The following HSD17B3 variants were observed in gnomAD, a reference collection of about 807,000 sequenced individuals.
The protein encoded by HSD17B3 is 17-beta-hydroxysteroid dehydrogenase type 3.
In HSD17B3, 29 loss-of-function variants were observed where a neutral mutation model predicts 41.1. The ratio of observed to expected loss-of-function variants is 0.71; its 90% CI spans 0.53 to 0.96. The LOEUF (loss-of-function observed/expected upper bound fraction) is 0.96, where lower values mean the gene tolerates loss of function less well. Ranked by LOEUF, HSD17B3 falls within the 40% of genes least tolerant of loss-of-function variation. The probability of loss-of-function intolerance (pLI) is 0.00; values close to 1 mark genes in which losing one functional copy is unlikely to be tolerated. For missense variants in HSD17B3, 323 were observed against 374.6 expected, an observed-to-expected ratio of 0.86 and a Z score of 1.14; for synonymous variants, 126 against 145.6, an observed-to-expected ratio of 0.87 and a Z score of 0.97.
intron 2 of HSD17B3, among the ~76,000 whole-genome samples, chr9:96,261,520 G>T (rs1435613046): frequency 6.6e-6 from 1 of 152,206 alleles, no homozygotes; most frequent in Non-Finnish European, 1.5e-5. Context: ...AAAGCACAGA[G>T]ACCTTGGGGG....
In HSD17B3 at chr9:96,251,844, A is replaced by G. The variant is rs1226655640; in HGVS notation, c.386-359T>C. Among the ~76,000 whole-genome samples the G allele has an allele frequency of 2.6e-5, 4 of 152,346 alleles. No individual in the cohort carries two copies. In the East Asian group the frequency reaches 5.8e-4, roughly 22 times the overall value. ...AAAATGTGCACCAAAATGCTACCTC[A>G]GAATATTGGGATTTTAAGAGATTCA... On this transcript the variant is annotated intron_variant, in intron 4 of 10. Coordinates refer to ENST00000375263, the MANE Select transcript of HSD17B3 (RefSeq NM_000197.2).
chr9:96,294,717 T>C (rs1435736987), intron 2 of HSD17B3, among the ~76,000 whole-genome samples: 1 of 152,200 alleles, frequency 6.6e-6, no homozygotes, highest in African/African-American at 2.4e-5. Context: ...AAAGGTTATA[T>C]AGTTTTAATG....
intron 2 of HSD17B3, among the ~76,000 whole-genome samples, chr9:96,281,463 A>G (rs1242080842): frequency 2.0e-5 from 3 of 152,142 alleles, no homozygotes; most frequent in Non-Finnish European, 4.4e-5. Context: ...ATAAAAGGCA[A>G]GGGCACTTGA....
Position 96,275,789 on chromosome 9 carries a change from T to A in HSD17B3, c.202-20846A>T, listed in dbSNP as rs995675799. Reference sequence around the variant, plus strand: ...AGAGAAAATAATGAAAGCAAATCAATGCAAAAAATCATGAAATAAAGGAAA... The same window carrying A: ...AGAGAAAATAATGAAAGCAAATCAAAGCAAAAAATCATGAAATAAAGGAAA... On this transcript the variant is annotated intron_variant, in intron 2 of 10. Transcript: ENST00000375263. 4.0e-4 allele frequency among the ~76,000 whole-genome samples: 61 copies of A among 150,952 alleles called. 1 individual carries two copies. The highest frequency in any genetic ancestry group is 1.4e-3 in the African/African-American group (57 of 41,084).
At chr9:96,251,111 T>C (rs1836883209) in intron 5 of HSD17B3, 1 of 402,966 alleles carries the variant, frequency 2.5e-6, no homozygotes, top group Non-Finnish European at 4.5e-6. Context: ...GCTGCGAATG[T>C]GTTAGGCAGA....
chr9:96,242,898 A>T (rs1836509658), intron 9 of HSD17B3, among the ~76,000 whole-genome samples: 2 of 152,180 alleles, frequency 1.3e-5, no homozygotes, highest in Non-Finnish European at 2.9e-5. Context: ...GCATAATAGA[A>T]TTGCACTTCC....
chr9:96,262,770 C>T (rs1032879095), intron 2 of HSD17B3, among the ~76,000 whole-genome samples: 2 of 152,074 alleles, frequency 1.3e-5, no homozygotes, highest in Admixed American at 1.3e-4. Flanking sequence ...TATATTTTGT[C>T]TGATACTAAT....
rs1368822969 is a variant in HSD17B3 at position 96,287,181 on chromosome 9, G to A, written c.201+11235C>T. 4.6e-5 allele frequency among the ~76,000 whole-genome samples: 7 copies of A among 152,244 alleles called. No homozygotes were observed. In the East Asian group the frequency reaches 9.7e-4, roughly 21 times the overall value. On this transcript the variant is annotated intron_variant, in intron 2 of 10. Transcript: ENST00000375263. ...AACCAGGGAGACAGCACAGTCTCCC[G>A]CTTTACTCTCCCTCTTACCTGTTGC...
intron 2 of HSD17B3, among the ~76,000 whole-genome samples, chr9:96,292,284 G>A (rs1268388199): frequency 6.6e-6 from 1 of 152,192 alleles, no homozygotes; most frequent in Non-Finnish European, 1.5e-5. Flanking sequence ...ATGTCCATTG[G>A]AGTGTTACAA....
At chr9:96,271,020 A>C (rs999518345) in intron 2 of HSD17B3, among the ~76,000 whole-genome samples, 1 of 152,110 alleles carries the variant, frequency 6.6e-6, no homozygotes, top group Non-Finnish European at 1.5e-5. Context: ...CAATATTTAA[A>C]TTCACATACC....
intron 2 of HSD17B3, among the ~76,000 whole-genome samples, chr9:96,267,086 A>G (rs1826066519): frequency 6.6e-6 from 1 of 152,172 alleles, no homozygotes; most frequent in Non-Finnish European, 1.5e-5. Context: ...GCAGTGGCTA[A>G]CTTGAAGACA....
chr9:96,262,620 T>C (rs565426268), intron 2 of HSD17B3, among the ~76,000 whole-genome samples: 74 of 152,296 alleles, frequency 4.9e-4, no homozygotes, highest in African/African-American at 1.6e-3. Context: ...ATGCCCAGTA[T>C]TAATAATCTG....
intron 1 of HSD17B3, among the ~76,000 whole-genome samples, chr9:96,299,486 T>C (rs1827491897): frequency 6.6e-6 from 1 of 152,298 alleles, no homozygotes; most frequent in Admixed American, 6.5e-5. Flanking sequence ...ATACAGGGCC[T>C]ACACTACAGG....
At chr9:96,254,550 G>A (rs1157243927) in intron 3 of HSD17B3, among the ~76,000 whole-genome samples, 3 of 152,228 alleles carry the variant, frequency 2.0e-5, no homozygotes. Context: ...AGAAAACAGT[G>A]TATCATTGCA....
intron 6 of HSD17B3, among the ~76,000 whole-genome samples, chr9:96,248,389 C>A (rs1836758301): frequency 6.6e-6 from 1 of 152,224 alleles, no homozygotes. Flanking sequence ...CATTTCCCCT[C>A]CTTATCTTAA....
chr9:96,263,015 T>C lies in HSD17B3; in HGVS notation c.202-8072A>G, dbSNP rs79117713. 1.5e-3 allele frequency among the ~76,000 whole-genome samples: 228 copies of C among 152,342 alleles called. 4 individuals carry two copies. In the East Asian group the frequency reaches 0.034, roughly 22 times the overall value. On this transcript the variant is annotated intron_variant, in intron 2 of 10. Coordinates refer to ENST00000375263, the MANE Select transcript of HSD17B3 (RefSeq NM_000197.2). Reference sequence around the variant, plus strand: ...CTTTCTTTGCCATTTGTCTCCCTTTTGTGACTAGTAAGCAGGATAGGATGG... The same window carrying C: ...CTTTCTTTGCCATTTGTCTCCCTTTCGTGACTAGTAAGCAGGATAGGATGG...
chr9:96,268,344 CA>C (rs952101064), intron 2 of HSD17B3, among the ~76,000 whole-genome samples: 22 of 149,762 alleles, frequency 1.5e-4, no homozygotes, highest in African/African-American at 3.9e-4. Context: ...GATAATATTA[CA>C]AAAAAAAACT....
At chr9:96,252,093 A>G (rs1356306152) in intron 4 of HSD17B3, among the ~76,000 whole-genome samples, 1 of 146,954 alleles carries the variant, frequency 6.8e-6, no homozygotes, top group East Asian at 1.9e-4. Context: ...TTTCTGAATA[A>G]GAAAGAGAGT....
chr9:96,241,737 C>G (rs1245793442), intron 9 of HSD17B3, among the ~76,000 whole-genome samples: 2 of 152,092 alleles, frequency 1.3e-5, no homozygotes, highest in Non-Finnish European at 2.9e-5. Flanking sequence ...GAGTGCGAGA[C>G]CAGCCTGAGC....
Sources: gnomAD v4.1 joint callset for allele counts (sites outside exome capture counted in the v4.1 genomes callset) on GRCh38, gnomAD v4.1.1 for gene constraint, MANE v1.5 for transcripts, NCBI Gene and HGNC (gene_info 2026-07-23, HGNC 2026-07-21) for gene names.